Variants in ZDBF2 observed in about 807,000 individuals in gnomAD.
ZDBF2 encodes the protein DBF4-type zinc finger-containing protein 2.
A neutral mutation model predicts 9.4 loss-of-function variants in ZDBF2; 6 were observed. The ratio of observed to expected loss-of-function variants is 0.64; its 90% CI spans 0.35 to 1.27. ZDBF2 has a LOEUF of 1.27. ZDBF2 is among the 50% of genes most tolerant of loss of function. The pLI is 0.03. For missense variants in ZDBF2, 2,697 were observed against 2,766.8 expected (o/e 0.97, Z 0.57); for synonymous variants, 905 against 946.3 (o/e 0.96, Z 0.80).
rs1416038394 is a variant in ZDBF2 at position 206,297,368 on chromosome 2, G to A, written c.183G>A (p.Glu61=). ...AGCACCACCCATATCATTGTCAAGA[G>A]AGCAGGTAAAGTAGTTGATTGGAAT... ...VLQHHPYHCQ[E]SSSTQDETHV... Residue 61 remains glutamate (E), a synonymous_variant, in exon 4 of 5, where the codon GAG becomes GAA. Coordinates refer to ENST00000374423, the MANE Select transcript of ZDBF2 (RefSeq NM_020923.3). 6.2e-7 allele frequency: 1 copy of A among 1,612,138 alleles called. No individual in the cohort carries two copies. The highest frequency in any genetic ancestry group is 1.1e-5 in the South Asian group (1 of 90,614).
Position 206,305,873 on chromosome 2 carries a change from A to G in ZDBF2, c.1345A>G (p.Lys449Glu), listed in dbSNP as rs1203672590. 2.5e-6 allele frequency: 4 copies of G among 1,613,120 alleles called. No individual in the cohort carries two copies. The African/African-American group carries it at 5.3e-5, about 21-fold the overall frequency. ...QYKNNKSYVS[K>E]ISSDCDDILH... is the part of the protein sequence containing the mutation. The stretch of plus-strand genomic sequence containing the variant: ...TAAGAATAATAAATCTTATGTTTCT[A>G]AAATAAGTTCTGATTGTGATGACAT... Residue 449 changes from lysine (K) to glutamate (E), a missense_variant, in exon 5 of 5, where the codon AAA (lysine) becomes GAA (glutamate). Around this residue, in one of 3 missense-constraint regions of ZDBF2, gnomAD observed 910 missense variants for 973.6 expected, o/e 0.93. Coordinates refer to ENST00000374423, the MANE Select transcript of ZDBF2 (RefSeq NM_020923.3).
rs1457673309 is a variant in ZDBF2, at chr2:206,305,875, A to G, written c.1347A>G (p.Lys449=). ...QYKNNKSYVS[K]ISSDCDDILH... ...AGAATAATAAATCTTATGTTTCTAA[A>G]ATAAGTTCTGATTGTGATGACATTC... Residue 449 remains lysine (K), a synonymous_variant, in exon 5 of 5, where the codon AAA becomes AAG. Coordinates refer to ENST00000374423, the MANE Select transcript of ZDBF2 (RefSeq NM_020923.3). 1.2e-6 allele frequency: 2 copies of G among 1,613,062 alleles called. No individual in the cohort carries two copies. The highest frequency in any genetic ancestry group is 4.5e-5 in the East Asian group (2 of 44,872).
At chr2:206,300,196 A>G (rs1692430000) in intron 4 of ZDBF2, among the ~76,000 whole-genome samples, 2 of 152,108 alleles carry the variant, frequency 1.3e-5, no homozygotes, top group Non-Finnish European at 2.9e-5. Flanking sequence ...AAAACCAAAA[A>G]CCAAGAAATT....
At position 206,307,707 on chromosome 2, in the gene ZDBF2, T is replaced by G. The variant is rs1379343667; in HGVS notation, c.3179T>G (p.Phe1060Cys). The change falls in exon 5 of 5, where the codon TTT becomes TGT. Residue 1060 changes from phenylalanine (F) to cysteine (C), a missense_variant. Coordinates refer to ENST00000374423, the MANE Select transcript of ZDBF2 (RefSeq NM_020923.3). ...ATGACTGACCAACCTCAACTAGCTT[T>G]TTTGAAGGAAAAACATGTTAATCTG... ...QSMTDQPQLAFLKEKHVNLKD... is the reference protein window; with the variant it reads ...QSMTDQPQLACLKEKHVNLKD... 6.2e-7 allele frequency: 1 copy of G among 1,613,358 alleles called. No individual in the cohort carries two copies. Among genetic ancestry groups the G allele is most frequent in the Non-Finnish European group, 8.5e-7 (1 of 1,179,728 alleles).
In ZDBF2 at chr2:206,310,949, C is replaced by G. The variant is rs753051608; in HGVS notation, c.6421C>G (p.Pro2141Ala). 2.4e-5 allele frequency: 38 copies of G among 1,613,462 alleles called. No individual in the cohort carries two copies. Among genetic ancestry groups the G allele is most frequent in the Non-Finnish European group, 3.1e-5 (36 of 1,179,832 alleles). The change falls in exon 5 of 5, where the codon CCA (proline) becomes GCA (alanine). Residue 2141 changes from proline (P) to alanine (A), a missense_variant. By Grantham distance (27) the Pro-to-Ala change is conservative. Transcript: ENST00000374423. ...ESKVLHAREL[P>A]KKRNFQLTFL... The stretch of plus-strand genomic sequence containing the variant: ...AAAGGTTCTGCATGCTCGTGAGCTT[C>G]CAAAGAAAAGAAATTTCCAGCTAAC...
At chr2:206,299,212 A>G (rs1692368206) in intron 4 of ZDBF2, among the ~76,000 whole-genome samples, 1 of 152,166 alleles carries the variant, frequency 6.6e-6, no homozygotes, top group Non-Finnish European at 1.5e-5. Context: ...ATAGCTTGCT[A>G]GAATTTGAAG....
At position 206,311,334 on chromosome 2, in the gene ZDBF2, T is replaced by G. The variant is rs1469909118; in HGVS notation, c.6806T>G (p.Leu2269Arg). 2.0e-5 allele frequency: 32 copies of G among 1,603,876 alleles called. No individual in the cohort carries two copies. Among genetic ancestry groups the G allele is most frequent in the Non-Finnish European group, 2.7e-5 (32 of 1,174,656 alleles). ...LKKAKRTAKV[L>R]LNSSVPPAGA... ...AAGGCGAAGAGAACAGCTAAAGTGC[T>G]TTTGAACTCTTCAGTTCCACCAGCT... is the stretch of plus-strand genomic sequence containing the variant. Residue 2269 changes from leucine to arginine, a missense_variant, in exon 5 of 5, where the codon CTT (leucine) becomes CGT (arginine). By Grantham distance (102) the Leu-to-Arg change is moderately radical. Coordinates refer to ENST00000374423, the MANE Select transcript of ZDBF2 (RefSeq NM_020923.3).
At position 206,305,916 on chromosome 2, in the gene ZDBF2, A is replaced by C. The variant is rs201316951; in HGVS notation, c.1388A>C (p.Asn463Thr). The C allele has an allele frequency of 2.5e-6, 4 of 1,613,248 alleles. No individual in the cohort carries two copies. The African/African-American group carries it at 4.0e-5, about 16-fold the overall frequency. ...DCDDILHLVTNQSQMIVKEIS... is the reference protein window; with the variant it reads ...DCDDILHLVTTQSQMIVKEIS... ...GATGACATTCTTCACTTGGTTACCA[A>C]CCAATCCCAAATGATTGTTAAAGAA... is the stretch of plus-strand genomic sequence containing the variant. The change falls in exon 5 of 5, where the codon AAC becomes ACC. Residue 463 changes from asparagine (N) to threonine (T), a missense_variant. Around this residue, in one of 3 missense-constraint regions of ZDBF2, gnomAD observed 910 missense variants for 973.6 expected, o/e 0.93. Transcript: ENST00000374423.
rs895663769 is a variant in ZDBF2, at chr2:206,297,372, A to G, written c.187A>G (p.Ser63Gly). ...CCACCCATATCATTGTCAAGAGAGC[A>G]GGTAAAGTAGTTGATTGGAATAATA... is the stretch of plus-strand genomic sequence containing the variant. ...QHHPYHCQES[S>G]STQDETHVNT... Residue 63 changes from serine to glycine, a missense_variant and splice_region_variant, in exon 4 of 5, where the codon AGT (serine) becomes GGT (glycine). Ser to Gly is a moderately conservative substitution (Grantham distance 56, BLOSUM62 0). Around this residue, in one of 3 missense-constraint regions of ZDBF2, gnomAD observed 910 missense variants for 973.6 expected, o/e 0.93. Coordinates refer to ENST00000374423, the MANE Select transcript of ZDBF2 (RefSeq NM_020923.3). The G allele has an allele frequency of 6.2e-7, 1 of 1,611,330 alleles. No individual in the cohort carries two copies.
At chr2:206,284,735 T>G (rs1481501561) in intron 3 of ZDBF2, among the ~76,000 whole-genome samples, 2 of 152,168 alleles carry the variant, frequency 1.3e-5, no homozygotes, top group African/African-American at 2.4e-5. Context: ...CATTTCCTTT[T>G]TGTGTGTGTG....
At chr2:206,280,193 C>T (rs1691241234) in intron 2 of ZDBF2, among the ~76,000 whole-genome samples, 2 of 152,120 alleles carry the variant, frequency 1.3e-5, no homozygotes, top group South Asian at 4.1e-4. Flanking sequence ...CTGATGGGGT[C>T]CTGGCATGTT....
rs1268043951 is a variant in ZDBF2 at position 206,297,227 on chromosome 2, AT to A, written c.61-16del. ...AATACTGTCCATTTAAAAATATTCC[AT>A]TTCTTTTTTCTTTATAGCATTTGTT... On this transcript the variant is annotated intron_variant, in intron 3 of 4. Coordinates refer to ENST00000374423, the MANE Select transcript of ZDBF2 (RefSeq NM_020923.3). 1 of 1,101,234 alleles carries A rather than the reference AT, an allele frequency of 9.1e-7. No individual in the cohort carries two copies. The highest frequency in any genetic ancestry group is 1.4e-6 in the Non-Finnish European group (1 of 720,052). 68.2% of individuals were successfully genotyped at this position (1,101,234 alleles called of 1,614,324 possible). A position where few individuals can be genotyped will look rare whatever the true frequency, so the allele number is the denominator to read the frequency against.
chr2:206,274,771 T>G lies in ZDBF2; in HGVS notation c.-278T>G, dbSNP rs1015429158. 1 of 152,162 alleles carries G rather than the reference T, an allele frequency of 6.6e-6. No homozygotes were observed. The highest frequency in any genetic ancestry group is 1.9e-4 in the East Asian group (1 of 5,142). 9.4% of individuals were successfully genotyped at this position (152,162 alleles called of 1,614,324 possible). A position where few individuals can be genotyped will look rare whatever the true frequency, so the allele number is the denominator to read the frequency against. On this transcript the variant is annotated 5_prime_UTR_variant, in exon 1 of 5. Transcript: ENST00000374423. ...ACGCGCTCCCGCGCCGCTTCTCGCC[T>G]CCGGACCGCAGGGGCCGAAGTCGCC...
Position 206,309,382 on chromosome 2 carries a change from T to A in ZDBF2, c.4854T>A (p.Cys1618Ter). 1 of 1,613,756 alleles carries A rather than the reference T, an allele frequency of 6.2e-7. No individual in the cohort carries two copies. Among genetic ancestry groups the A allele is most frequent in the Non-Finnish European group, 8.5e-7 (1 of 1,179,822 alleles). The change falls in exon 5 of 5, where the codon TGT becomes TGA. Residue 1618 changes from cysteine (C) to a stop codon, truncating the protein, a stop_gained. Coordinates refer to ENST00000374423, the MANE Select transcript of ZDBF2 (RefSeq NM_020923.3). LOFTEE classifies it low-confidence loss of function (END_TRUNC). ...KDYIILGEPS[C>*]QSCGSEMNFN... is the part of the protein sequence containing the mutation. ...ATATTATTCTGGGAGAGCCAAGTTG[T>A]CAATCTTGTGGTTCTGAAATGAATT... is the stretch of plus-strand genomic sequence containing the variant.
chr2:206,307,576 A>G lies in ZDBF2; in HGVS notation c.3048A>G (p.Val1016=). The G allele has an allele frequency of 1.2e-6, 2 of 1,613,384 alleles. No individual in the cohort carries two copies. Among genetic ancestry groups the G allele is most frequent in the Non-Finnish European group, 1.7e-6 (2 of 1,179,674 alleles). Residue 1016 remains valine (V), a synonymous_variant, in exon 5 of 5, where the codon GTA becomes GTG. Coordinates refer to ENST00000374423, the MANE Select transcript of ZDBF2 (RefSeq NM_020923.3). ...VPHYSVTEPQ[V]AVNKINRKKQ... is the part of the protein sequence containing the mutation. ...ATTATTCAGTAACTGAACCTCAAGT[A>G]GCTGTTAACAAAATAAACAGAAAGA...
At chr2:206,284,690 A>C (rs1030679303) in intron 3 of ZDBF2, among the ~76,000 whole-genome samples, 10 of 152,100 alleles carry the variant, frequency 6.6e-5, no homozygotes, top group Admixed American at 6.6e-4. Flanking sequence ...TTCTTCTTTT[A>C]TGGCTGAATC....
In ZDBF2 at chr2:206,279,271, T is replaced by C. The variant is rs76230510; in HGVS notation, c.-102-269T>C. On this transcript the variant is annotated intron_variant, in intron 1 of 4. Coordinates refer to ENST00000374423, the MANE Select transcript of ZDBF2 (RefSeq NM_020923.3). ...GGCACAATTGAGCCTTATAGTCTTT[T>C]ACAGCTACTGTTCCAGGAACCTAGA... Among the ~76,000 whole-genome samples, 56 of 152,286 alleles carry C rather than the reference T, an allele frequency of 3.7e-4. 3 individuals are homozygous for C. The East Asian group carries it at 9.1e-3, about 25-fold the overall frequency.
At chr2:206,290,343 G>A (rs1367981686) in intron 3 of ZDBF2, among the ~76,000 whole-genome samples, 1 of 152,098 alleles carries the variant, frequency 6.6e-6, no homozygotes, top group African/African-American at 2.4e-5. Flanking sequence ...TTGGTTCCTT[G>A]TATTTCCATG....
At chr2:206,298,229 A>G (rs1220428696) in intron 4 of ZDBF2, among the ~76,000 whole-genome samples, 2 of 152,212 alleles carry the variant, frequency 1.3e-5, no homozygotes, top group African/African-American at 4.8e-5. Flanking sequence ...CCCTATGTTA[A>G]AGAAAAACAT....
Sources: allele counts gnomAD v4.1 joint callset (sites outside exome capture counted in the v4.1 genomes callset), GRCh38; gene constraint gnomAD v4.1.1; regional missense constraint gnomAD v4.1.1; transcripts MANE v1.5; gene names NCBI Gene and HGNC (gene_info 2026-07-23, HGNC 2026-07-21).